Variants in PTPRD observed in about 807,000 individuals in gnomAD.
PTPRD encodes the protein protein tyrosine phosphatase receptor type D, also known as receptor-type tyrosine-protein phosphatase delta.
PTPRD carries 34 observed loss-of-function variants against 214.5 expected under a neutral mutation model. The ratio of observed to expected loss-of-function variants is 0.16; its 90% CI spans 0.12 to 0.21. The LOEUF (loss-of-function observed/expected upper bound fraction) is 0.21, where lower values mean the gene tolerates loss of function less well. Ranked by LOEUF, PTPRD falls within the 10% of genes least tolerant of loss-of-function variation. The pLI, the probability that PTPRD is intolerant of heterozygous loss-of-function variation, is 1.00. For missense variants in PTPRD, 2,545 were observed against 2,398.7 expected, an observed-to-expected ratio of 1.06 and a Z score of -1.27; for synonymous variants, 1,128 against 845.7, an observed-to-expected ratio of 1.33 and a Z score of -5.79.
intron 12 of PTPRD, among the ~76,000 whole-genome samples, chr9:8,682,475 A>G (rs2154373662): frequency 6.8e-6 from 1 of 147,814 alleles, no homozygotes; most frequent in East Asian, 2.0e-4. Flanking sequence ...AATAAGAAAT[A>G]AATTAAAAAC....
chr9:10,452,987 T>C (rs1168795276), intron 2 of PTPRD, among the ~76,000 whole-genome samples: 1 of 151,886 alleles, frequency 6.6e-6, no homozygotes, highest in East Asian at 1.9e-4. Context: ...TAATCCATTT[T>C]GAGTTGATTT....
At chr9:9,973,905 T>G (rs901424313) in intron 4 of PTPRD, among the ~76,000 whole-genome samples, 1 of 152,118 alleles carries the variant, frequency 6.6e-6, no homozygotes, top group Non-Finnish European at 1.5e-5. Flanking sequence ...TAATGAAAAA[T>G]TGAGAGGTGA....
At chr9:10,140,170 A>G (rs2098973568) in intron 3 of PTPRD, among the ~76,000 whole-genome samples, 1 of 152,006 alleles carries the variant, frequency 6.6e-6, no homozygotes, top group East Asian at 1.9e-4. Context: ...TTCAGAAACT[A>G]TGTCATATCC....
chr9:8,913,247 T>C (rs541276937), intron 11 of PTPRD, among the ~76,000 whole-genome samples: 2 of 152,242 alleles, frequency 1.3e-5, no homozygotes, highest in South Asian at 4.1e-4. Flanking sequence ...ATGTATTTCA[T>C]AAATATTTGA....
At chr9:9,543,628 C>T (rs1361801850) in intron 8 of PTPRD, among the ~76,000 whole-genome samples, 3 of 151,444 alleles carry the variant, frequency 2.0e-5, no homozygotes, top group Non-Finnish European at 4.4e-5. Flanking sequence ...TTATGCAAAT[C>T]TCAGAGCCCA....
At position 10,126,816 on chromosome 9, in the gene PTPRD, C is replaced by T. The variant is rs148488741; in HGVS notation, c.-544-93026G>A. On this transcript the variant is annotated intron_variant, in intron 3 of 45. Coordinates refer to ENST00000381196, the MANE Select transcript of PTPRD (RefSeq NM_002839.4). ...TGATAAGGTTGTTCCACTGTTCAAGCTTGACGAAACTGTACAAACAATGTG... is the reference window on the plus strand; with the variant it reads ...TGATAAGGTTGTTCCACTGTTCAAGTTTGACGAAACTGTACAAACAATGTG... Among the ~76,000 whole-genome samples, 601 of 152,242 alleles carry T rather than the reference C, an allele frequency of 3.9e-3. 3 individuals are homozygous for T. Among genetic ancestry groups the T allele is most frequent in the African/African-American group, 0.013 (556 of 41,538 alleles).
chr9:10,190,789 T>G (rs1488909530), intron 3 of PTPRD, among the ~76,000 whole-genome samples: 1 of 145,666 alleles, frequency 6.9e-6, no homozygotes, highest in African/African-American at 2.6e-5. Context: ...CAACTCAAGA[T>G]GCAGTTGTAC....
chr9:9,374,537 TA>T (rs1476566668), intron 9 of PTPRD, among the ~76,000 whole-genome samples: 17 of 152,022 alleles, frequency 1.1e-4, no homozygotes, highest in Admixed American at 3.3e-4. Context: ...TGAATGAGGG[TA>T]ATAAAGTAAG....
chr9:8,919,391 C>CAA (rs5896280), intron 11 of PTPRD, among the ~76,000 whole-genome samples: 15,151 of 133,748 alleles, frequency 0.11, 992 homozygotes, highest in South Asian at 0.29. Flanking sequence ...GACCCTGTCT[C>CAA]AAAAAAAAAA....
intron 2 of PTPRD, among the ~76,000 whole-genome samples, chr9:10,522,179 A>G (rs2052562766): frequency 6.6e-6 from 1 of 152,180 alleles, no homozygotes; most frequent in Non-Finnish European, 1.5e-5. Context: ...CTCCATAGGC[A>G]GTGGATATTG....
chr9:8,504,549 G>T, intron 22 of PTPRD, 144 bp from the exon 23 acceptor site: 1 of 881,910 alleles, frequency 1.1e-6, no homozygotes. Context: ...TGAGTATCCA[G>T]GGCTATACTA....
intron 9 of PTPRD, among the ~76,000 whole-genome samples, chr9:9,199,447 A>G (rs1485687171): frequency 6.6e-5 from 10 of 152,164 alleles, no homozygotes; most frequent in Admixed American, 2.0e-4. Flanking sequence ...AAGTCTGTAA[A>G]ATGCATCTCT....
At chr9:10,318,468 C>G (rs1371907310) in intron 3 of PTPRD, among the ~76,000 whole-genome samples, 3 of 151,990 alleles carry the variant, frequency 2.0e-5, no homozygotes, top group Non-Finnish European at 4.4e-5. Flanking sequence ...TCAGGCCTTA[C>G]CCGTGCCTCT....
At chr9:8,533,449 GCTT>G (rs1244224479) in intron 14 of PTPRD, among the ~76,000 whole-genome samples, 3 of 152,024 alleles carry the variant, frequency 2.0e-5, no homozygotes, top group African/African-American at 7.2e-5. Flanking sequence ...TTACATCAAT[GCTT>G]CTTCAAGTGC....
At chr9:9,786,924 C>T (rs550462804) in intron 5 of PTPRD, among the ~76,000 whole-genome samples, 11 of 152,098 alleles carry the variant, frequency 7.2e-5, no homozygotes, top group African/African-American at 2.4e-4. Flanking sequence ...GCAGGTGGAT[C>T]AGGAGTTTTG....
At chr9:9,941,005 G>T (rs967820032) in intron 4 of PTPRD, among the ~76,000 whole-genome samples, 2 of 150,014 alleles carry the variant, frequency 1.3e-5, no homozygotes, top group Non-Finnish European at 3.0e-5. Context: ...GGCCACACCA[G>T]AAAAAAAAAG....
chr9:9,369,256 C>G (rs548582533), intron 9 of PTPRD, among the ~76,000 whole-genome samples: 1 of 152,226 alleles, frequency 6.6e-6, no homozygotes, highest in African/African-American at 2.4e-5. Flanking sequence ...TTCTCCACAT[C>G]CTCTCCAGCA....
At chr9:9,833,289 ACAT>A (rs978283633) in intron 5 of PTPRD, among the ~76,000 whole-genome samples, 6 of 152,030 alleles carry the variant, frequency 3.9e-5, no homozygotes, top group Non-Finnish European at 8.8e-5. Flanking sequence ...TCCGGGGGAA[ACAT>A]CATACATTGG....
At chr9:10,043,073 CACAA>C (rs962239842) in intron 3 of PTPRD, among the ~76,000 whole-genome samples, 2 of 151,880 alleles carry the variant, frequency 1.3e-5, no homozygotes, top group South Asian at 2.1e-4. Context: ...TTCTCATCTA[CACAA>C]ACAGAGGGCA....
Sources: gnomAD v4.1 joint callset for allele counts (sites outside exome capture counted in the v4.1 genomes callset) on GRCh38, gnomAD v4.1.1 for gene constraint, MANE v1.5 for transcripts, NCBI Gene and HGNC (gene_info 2026-07-23, HGNC 2026-07-21) for gene names.